Variants in SH3KBP1 observed in about 807,000 individuals in gnomAD.
SH3KBP1 encodes the protein SH3 domain containing kinase binding protein 1, also known as SH3 domain-containing kinase-binding protein 1.
A neutral mutation model predicts 50.1 loss-of-function variants in SH3KBP1; 8 were observed. That is an observed-to-expected ratio of 0.16 (90% CI 0.09 to 0.29). The LOEUF is 0.29. SH3KBP1 is among the 10% of genes least tolerant of loss of function. SH3KBP1 has a pLI of 1.00. For synonymous variants in SH3KBP1, 227 were observed against 218.6 expected (o/e 1.04, Z -0.34); for missense variants, 377 against 535.2 (o/e 0.70, Z 2.92).
rs1475042591 is a variant in SH3KBP1, at chrX:19,550,019, T to C, written c.1449A>G (p.Arg483=). The C allele has an allele frequency of 8.3e-7, 1 of 1,210,971 alleles. No homozygotes were observed. The change falls in exon 14 of 18, where the codon AGA becomes AGG. Residue 483 remains arginine (R), a synonymous_variant. Transcript: ENST00000397821. The part of the protein sequence containing the change: ...TEKLSHPTTS[R]PKATGRRPPS... ...GAGGCCGCCTCCCTGTAGCTTTTGG[T>C]CTGCTTGTGGTCGGATGACTGAGTT...
intron 9 of SH3KBP1, among the ~76,000 whole-genome samples, chrX:19,600,095 CAAAAAA>C (rs1218369399): frequency 1.5e-4 from 4 of 27,420 alleles, no homozygotes; most frequent in African/African-American, 1.4e-4. Flanking sequence ...GACTCCGTCT[CAAAAAA>C]AAAAAAAAAA....
chrX:19,693,051 C>T (rs1180873438), intron 5 of SH3KBP1, among the ~76,000 whole-genome samples: 2 of 111,409 alleles, frequency 1.8e-5, no homozygotes, highest in Non-Finnish European at 3.8e-5. Flanking sequence ...GGAATTACTT[C>T]AATTTAGCAA....
chrX:19,754,461 T>C (rs1233017129), intron 2 of SH3KBP1, among the ~76,000 whole-genome samples: 1 of 111,573 alleles, frequency 9.0e-6, no homozygotes, highest in African/African-American at 3.3e-5. Flanking sequence ...TTTAGTAGAG[T>C]GTTATGGGCA....
chrX:19,734,451 G>A (rs781315107), intron 3 of SH3KBP1, among the ~76,000 whole-genome samples: 46 of 111,699 alleles, frequency 4.1e-4, no homozygotes, highest in Non-Finnish European at 7.0e-4. Flanking sequence ...TAGTGGTAGG[G>A]GACATAAAAG....
chrX:19,549,823 C>G, intron 14 of SH3KBP1, 151 bp downstream of exon 14: 2 of 438,062 alleles, frequency 4.6e-6, no homozygotes, highest in Non-Finnish European at 8.0e-6. Context: ...ACTGAAATCA[C>G]TTTTGGTTGG....
At chrX:19,653,706 G>A (rs1353585509) in intron 6 of SH3KBP1, among the ~76,000 whole-genome samples, 1 of 107,120 alleles carries the variant, frequency 9.3e-6, no homozygotes, top group East Asian at 3.0e-4. Context: ...GTAAGACTAC[G>A]TCTGAATATA....
chrX:19,559,519 C>T (rs184916829), intron 13 of SH3KBP1, among the ~76,000 whole-genome samples: 123 of 107,434 alleles, frequency 1.1e-3, no homozygotes, highest in Middle Eastern at 4.6e-3. Context: ...TTAGTAGAGA[C>T]GGGATTTCAC....
intron 3 of SH3KBP1, among the ~76,000 whole-genome samples, chrX:19,708,448 C>T (rs1603069970): frequency 1.8e-5 from 2 of 111,939 alleles, no homozygotes; most frequent in East Asian, 5.6e-4. Context: ...GCTGATGGCA[C>T]TGTCAGCAGG....
chrX:19,570,575 T>A (rs138341780), intron 12 of SH3KBP1, among the ~76,000 whole-genome samples: 1,301 of 111,557 alleles, frequency 0.012, 20 homozygotes, highest in African/African-American at 0.04. Flanking sequence ...GAGACCTGTA[T>A]ACCTGGAGGT....
intron 2 of SH3KBP1, among the ~76,000 whole-genome samples, chrX:19,804,899 C>T (rs1411656697): frequency 1.1e-5 from 1 of 93,840 alleles, no homozygotes; most frequent in Non-Finnish European, 2.1e-5. Flanking sequence ...CCCCCCCACC[C>T]GCTGCCATCA....
At chrX:19,774,690 G>GAAA (rs2065915866) in intron 2 of SH3KBP1, among the ~76,000 whole-genome samples, 1 of 90,227 alleles carries the variant, frequency 1.1e-5, no homozygotes, top group Admixed American at 1.1e-4. Context: ...AAGAAAGAAA[G>GAAA]AAAGAAAGAA....
In SH3KBP1 at chrX:19,778,434, A is replaced by T. The variant is rs1325605916; in HGVS notation, c.163-31993T>A. Among the ~76,000 whole-genome samples, 25 of 107,354 alleles carry T rather than the reference A, an allele frequency of 2.3e-4. No individual in the cohort carries two copies. The Admixed American group carries it at 2.4e-3, about 10-fold the overall frequency. 93.2% of individuals were successfully genotyped at this position (107,354 alleles called of 115,157 possible). A position where few individuals can be genotyped will look rare whatever the true frequency, so the allele number is the denominator to read the frequency against. ...AGACAGAGCAAGACTCCATCTCAAA[A>T]AAAAAAAAAAAAAGAAAAGAAAAAA... On this transcript the variant is annotated intron_variant, in intron 2 of 17. Coordinates refer to ENST00000397821, the MANE Select transcript of SH3KBP1 (RefSeq NM_031892.3).
At chrX:19,763,286 T>C (rs930743675) in intron 2 of SH3KBP1, among the ~76,000 whole-genome samples, 88 of 112,633 alleles carry the variant, frequency 7.8e-4, no homozygotes, top group African/African-American at 2.2e-3. Flanking sequence ...CTCCCACCAA[T>C]AGCATGGAAG....
At chrX:19,567,576 C>A (rs1358192952) in intron 13 of SH3KBP1, among the ~76,000 whole-genome samples, 1 of 42,029 alleles carries the variant, frequency 2.4e-5, no homozygotes, top group Non-Finnish European at 3.9e-5. Context: ...ATATATATTG[C>A]ATAGAGCGAA....
At chrX:19,781,806 T>C (rs1261868866) in intron 2 of SH3KBP1, among the ~76,000 whole-genome samples, 3 of 111,428 alleles carry the variant, frequency 2.7e-5, no homozygotes, top group Non-Finnish European at 5.7e-5. Flanking sequence ...ACTGGGTATG[T>C]TTACTAAAAA....
At chrX:19,875,590 C>T (rs2069226776) in intron 1 of SH3KBP1, among the ~76,000 whole-genome samples, 1 of 112,548 alleles carries the variant, frequency 8.9e-6, no homozygotes, top group South Asian at 3.6e-4. Context: ...TCCATGCGCC[C>T]TCCTTCAACA....
intron 3 of SH3KBP1, among the ~76,000 whole-genome samples, chrX:19,718,599 C>T (rs865882255): frequency 6.2e-5 from 7 of 112,318 alleles, no homozygotes; most frequent in African/African-American, 9.7e-5. Flanking sequence ...AAAATAATTA[C>T]CTTGCATTAT....
At chrX:19,701,410 C>T (rs960151569) in intron 4 of SH3KBP1, among the ~76,000 whole-genome samples, 13 of 111,415 alleles carry the variant, frequency 1.2e-4, no homozygotes, top group African/African-American at 4.2e-4. Flanking sequence ...TTGATCTCAA[C>T]CCCATTTCAT....
chrX:19,843,513 C>G (rs916809929), intron 1 of SH3KBP1, among the ~76,000 whole-genome samples: 1 of 111,504 alleles, frequency 9.0e-6, no homozygotes, highest in African/African-American at 3.3e-5. Context: ...CCACGTTTTC[C>G]TTTTGGTGTC....
Sources: allele counts gnomAD v4.1 joint callset (sites outside exome capture counted in the v4.1 genomes callset), GRCh38; gene constraint gnomAD v4.1.1; transcripts MANE v1.5; gene names NCBI Gene and HGNC (gene_info 2026-07-23, HGNC 2026-07-21).